The following HSPA4 variants were observed in gnomAD, a reference collection of about 807,000 sequenced individuals.
HSPA4 encodes the protein heat shock protein family A (Hsp70) member 4.
HSPA4 carries 25 observed loss-of-function variants against 106.2 expected under a neutral mutation model. The observed-to-expected ratio is 0.24, with a 90% CI of 0.17 to 0.33. The LOEUF (loss-of-function observed/expected upper bound fraction) is 0.33, where lower values mean the gene tolerates loss of function less well. HSPA4 is among the 10% of genes least tolerant of loss of function. The pLI is 1.00. For missense variants in HSPA4, 841 were observed against 996.0 expected (o/e 0.84, Z 2.10); for synonymous variants, 332 against 333.6 (o/e 1.00, Z 0.05).
intron 3 of HSPA4, among the ~76,000 whole-genome samples, chr5:133,067,928 T>C (rs530647584): frequency 6.6e-6 from 1 of 151,494 alleles, no homozygotes; most frequent in Non-Finnish European, 1.5e-5. Flanking sequence ...ACTCTCGCCT[T>C]GTCACCCAGG....
At chr5:133,062,461 T>C (rs1581465302) in intron 1 of HSPA4, among the ~76,000 whole-genome samples, 1 of 152,170 alleles carries the variant, frequency 6.6e-6, no homozygotes, top group African/African-American at 2.4e-5. Context: ...AGGCTTATGC[T>C]AGGCAGCCTT....
At chr5:133,103,591 T>A (rs898575408) in intron 17 of HSPA4, among the ~76,000 whole-genome samples, 2 of 152,182 alleles carry the variant, frequency 1.3e-5, no homozygotes, top group African/African-American at 4.8e-5. Flanking sequence ...TTCCTAAGAT[T>A]TTGTATAAAT....
chr5:133,084,670 A>C (rs949209837), intron 7 of HSPA4, among the ~76,000 whole-genome samples: 1 of 151,346 alleles, frequency 6.6e-6, no homozygotes. Flanking sequence ...GGCTTTCTCC[A>C]TGTTGGTCAG....
chr5:133,104,524 C>G lies in HSPA4; in HGVS notation c.*88C>G, dbSNP rs1161942362. ...AAATATCAACTAGCGCAAGTGAATA[C>G]TGAAGATTTCTTAGTCAGTTTTTAG... On this transcript the variant is annotated 3_prime_UTR_variant, in exon 19 of 19. Coordinates refer to ENST00000304858, the MANE Select transcript of HSPA4 (RefSeq NM_002154.4). 3.4e-6 allele frequency: 4 copies of G among 1,191,684 alleles called. No individual in the cohort carries two copies. Among genetic ancestry groups the G allele is most frequent in the Admixed American group, 4.4e-5 (2 of 45,056 alleles). The allele number at this position is 1,191,684 out of a possible 1,614,324, so 73.8% of individuals were successfully genotyped here. A position where few individuals can be genotyped will look rare whatever the true frequency, so the allele number is the denominator to read the frequency against.
At position 133,060,237 on chromosome 5, in the gene HSPA4, G is replaced by A. The variant is rs555535163; in HGVS notation, c.108-4743G>A. On this transcript the variant is annotated intron_variant, in intron 1 of 18. Coordinates refer to ENST00000304858, the MANE Select transcript of HSPA4 (RefSeq NM_002154.4). Reference sequence around the variant, plus strand: ...ATTTTCTACAGTAAACTTGTACCAAGAAGCATTGACCTATGTTCTAGTGCT... The same window carrying A: ...ATTTTCTACAGTAAACTTGTACCAAAAAGCATTGACCTATGTTCTAGTGCT... Among the ~76,000 whole-genome samples the A allele has an allele frequency of 2.0e-5, 3 of 152,140 alleles. No individual in the cohort carries two copies. The South Asian group carries it at 6.2e-4, about 32-fold the overall frequency.
At position 133,104,983 on chromosome 5, in the gene HSPA4, CTCT is replaced by C. The variant is rs1765838199; in HGVS notation, c.*550_*552del. Reference sequence around the variant, plus strand: ...TTTCACCTTCACCCTCACCTGTGTTCTCTTCCCTCTCTCCCAATAAAAGGGCTC... The same window carrying C: ...TTTCACCTTCACCCTCACCTGTGTTCTCCCTCTCTCCCAATAAAAGGGCTC... On this transcript the variant is annotated 3_prime_UTR_variant, in exon 19 of 19. Transcript: ENST00000304858. The C allele has an allele frequency of 6.5e-6, 1 of 152,794 alleles. No homozygotes were observed. Among genetic ancestry groups the C allele is most frequent in the African/African-American group, 2.4e-5 (1 of 41,444 alleles). 9.5% of individuals were successfully genotyped at this position (152,794 alleles called of 1,614,324 possible).
At chr5:133,081,323 T>C (rs1455748263) in intron 7 of HSPA4, among the ~76,000 whole-genome samples, 1 of 152,200 alleles carries the variant, frequency 6.6e-6, no homozygotes, top group African/African-American at 2.4e-5. Context: ...GCGGGGATTA[T>C]AAGTGTGAGT....
chr5:133,078,346 A>T (rs554815649), intron 7 of HSPA4, among the ~76,000 whole-genome samples: 1 of 149,490 alleles, frequency 6.7e-6, no homozygotes, highest in Non-Finnish European at 1.5e-5. Context: ...AAAAAAAAAA[A>T]TAGTTGTACT....
rs537754502 is a variant in HSPA4, at chr5:133,090,045, C to T, written c.1378+350C>T. ...TGTATCGGCAGTTTTTCTTGGTTAG[C>T]GCACATTGTAATTATAACTTATGTA... On this transcript the variant is annotated intron_variant, in intron 11 of 18. Coordinates refer to ENST00000304858, the MANE Select transcript of HSPA4 (RefSeq NM_002154.4). Among the ~76,000 whole-genome samples the T allele has an allele frequency of 8.7e-4, 133 of 152,178 alleles. No homozygotes were observed. The Middle Eastern group carries it at 0.027, about 31-fold the overall frequency.
At position 133,095,970 on chromosome 5, in the gene HSPA4, A is replaced by G. The variant is rs564457682; in HGVS notation, c.1651-128A>G. The G allele has an allele frequency of 3.7e-4, 244 of 666,168 alleles. 2 individuals are homozygous for G. The highest frequency in any genetic ancestry group is 2.5e-3 in the Middle Eastern group (9 of 3,608). 41.3% of individuals were successfully genotyped at this position (666,168 alleles called of 1,614,324 possible). On this transcript the variant is annotated intron_variant, in intron 13 of 18. Transcript: ENST00000304858. ...ATTTTCTAGATGTTATGGTAGTCCT[A>G]AGTTACTTAGATCATCATCAAAAGA...
intron 12 of HSPA4, among the ~76,000 whole-genome samples, chr5:133,091,877 C>A (rs1466755245): frequency 6.9e-6 from 1 of 145,162 alleles, no homozygotes; most frequent in Non-Finnish European, 1.5e-5. Flanking sequence ...AAGTTAAAAA[C>A]AACAACAACA....
chr5:133,095,270 C>G (rs1485878780), intron 13 of HSPA4, among the ~76,000 whole-genome samples: 1 of 152,082 alleles, frequency 6.6e-6, no homozygotes, highest in African/African-American at 2.4e-5. Flanking sequence ...CCATTGCACT[C>G]CAGCCTGGGC....
At chr5:133,059,383 G>A (rs1302964266) in intron 1 of HSPA4, among the ~76,000 whole-genome samples, 1 of 151,956 alleles carries the variant, frequency 6.6e-6, no homozygotes, top group East Asian at 1.9e-4. Context: ...GGGAGGCAGA[G>A]GTTGCAGTGA....
At chr5:133,057,262 T>G (rs1765176740) in intron 1 of HSPA4, among the ~76,000 whole-genome samples, 1 of 152,244 alleles carries the variant, frequency 6.6e-6, no homozygotes, top group South Asian at 2.1e-4. Context: ...GATAGTCTAA[T>G]TATTGCGGTT....
At chr5:133,067,899 T>G (rs1318467342) in intron 3 of HSPA4, among the ~76,000 whole-genome samples, 2 of 151,616 alleles carry the variant, frequency 1.3e-5, no homozygotes, top group Non-Finnish European at 1.5e-5. Flanking sequence ...ACAGTTTTTT[T>G]TTTTTTTTTT....
chr5:133,092,398 T>A (rs2126712610), intron 12 of HSPA4, among the ~76,000 whole-genome samples: 1 of 152,294 alleles, frequency 6.6e-6, no homozygotes, highest in African/African-American at 2.4e-5. Flanking sequence ...GTAGATTGTA[T>A]TAAATGATGC....
intron 13 of HSPA4, among the ~76,000 whole-genome samples, chr5:133,094,056 C>A (rs1223331611): frequency 1.3e-5 from 2 of 152,260 alleles, no homozygotes; most frequent in African/African-American, 4.8e-5. Flanking sequence ...TGTGCCACTG[C>A]ACTCCAATTT....
chr5:133,096,137 C>G lies in HSPA4; in HGVS notation c.1690C>G (p.Pro564Ala). 6.2e-7 allele frequency: 1 copy of G among 1,613,962 alleles called. No individual in the cohort carries two copies. The highest frequency in any genetic ancestry group is 8.5e-7 in the Non-Finnish European group (1 of 1,179,934). The change falls in exon 14 of 19, where the codon CCA (proline) becomes GCA (alanine). Residue 564 changes from proline to alanine, a missense_variant. By Grantham distance (27) the Pro-to-Ala change is conservative. Around this residue, in one of 5 missense-constraint regions of HSPA4, gnomAD observed 328 missense variants for 372.2 expected, o/e 0.88. Coordinates refer to ENST00000304858, the MANE Select transcript of HSPA4 (RefSeq NM_002154.4). Reference protein sequence around the residue: ...AGSKDKKMDQPPQAKKAKVKT... With the variant: ...AGSKDKKMDQAPQAKKAKVKT... ...ATCCAAGGATAAAAAGATGGACCAACCACCCCAAGCCAAGAAGGCAAAAGT... is the reference window on the plus strand; with the variant it reads ...ATCCAAGGATAAAAAGATGGACCAAGCACCCCAAGCCAAGAAGGCAAAAGT...
chr5:133,061,642 C>G (rs34313638), intron 1 of HSPA4, among the ~76,000 whole-genome samples: 1 of 152,130 alleles, frequency 6.6e-6, no homozygotes, highest in South Asian at 2.1e-4. Flanking sequence ...CACCACCCGA[C>G]TGAGTCTTGC....
Sources: allele counts gnomAD v4.1 joint callset (sites outside exome capture counted in the v4.1 genomes callset), GRCh38; gene constraint gnomAD v4.1.1; regional missense constraint gnomAD v4.1.1; transcripts MANE v1.5; gene names NCBI Gene and HGNC (gene_info 2026-07-23, HGNC 2026-07-21).